CCDC142: variants seen among roughly 807,000 people sequenced by gnomAD.
CCDC142 encodes coiled-coil domain containing 142.
CCDC142 carries 67 observed loss-of-function variants against 83.8 expected under a neutral mutation model. The ratio of observed to expected loss-of-function variants is 0.80; its 90% confidence interval spans 0.66 to 0.98. The LOEUF (loss-of-function observed/expected upper bound fraction) is 0.98. CCDC142 is among the 50% of genes least tolerant of loss of function. CCDC142 has a pLI of 0.00. For missense variants in CCDC142, 905 were observed against 946.8 expected, an observed-to-expected ratio of 0.96 and a Z score of 0.58; for synonymous variants, 421 against 421.2, an observed-to-expected ratio of 1.00 and a Z score of 0.01.
In CCDC142 at chr2:74,480,892, G is replaced by A; in HGVS notation, c.1390-10C>T. On this transcript the variant is annotated splice_polypyrimidine_tract_variant and intron_variant, in intron 4 of 8. Transcript: ENST00000393965. The stretch of plus-strand genomic sequence containing the variant: ...CCTCATGCAACAGAGGCTTTGGGTG[G>A]AAACAGGGAGTGAGGGCTCAGCCTA... 1.2e-6 allele frequency: 2 copies of A among 1,613,450 alleles called. No homozygotes were observed. Among genetic ancestry groups the A allele is most frequent in the Non-Finnish European group, 1.7e-6 (2 of 1,179,398 alleles).
Position 74,481,985 on chromosome 2 carries a change from C to A in CCDC142, c.853G>T (p.Val285Leu), listed in dbSNP as rs1672492346. 2 of 1,613,896 alleles carry A rather than the reference C, an allele frequency of 1.2e-6. No homozygotes were observed. The highest frequency in any genetic ancestry group is 1.7e-6 in the Non-Finnish European group (2 of 1,179,992). The change falls in exon 1 of 9, where the codon GTG (valine) becomes TTG (leucine). Residue 285 changes from valine (V) to leucine (L), a missense_variant. Physicochemically the swap from Val to Leu is conservative, Grantham distance 32 (BLOSUM62 1). Coordinates refer to ENST00000393965, the MANE Select transcript of CCDC142 (RefSeq NM_001365575.2). ...AGTCCACAGCTGGCTGAACCCGCCA[C>A]GCCCCCGACCAGGCCCAGCAGCCCT... The part of the protein sequence containing the change: ...LPGLLGLVGG[V>L]AGSASCGLGL...
intron 6 of CCDC142, 47 bp downstream of exon 6, chr2:74,475,565 A>G: frequency 6.5e-7 from 1 of 1,541,900 alleles, no homozygotes; most frequent in African/African-American, 1.4e-5. Flanking sequence ...CTGAGACACT[A>G]TTACCCCCTT....
intron 5 of CCDC142, 32 bp from the exon 6 acceptor site, chr2:74,475,758 T>C: frequency 7.5e-7 from 1 of 1,327,970 alleles, no homozygotes; most frequent in Non-Finnish European, 1.1e-6. Context: ...AAAAGGGGCT[T>C]GTCAAATTAT....
chr2:74,481,512 C>G lies in CCDC142; in HGVS notation c.1048G>C (p.Glu350Gln), dbSNP rs1672460682. 3 of 1,614,062 alleles carry G rather than the reference C, an allele frequency of 1.9e-6. No homozygotes were observed. Among genetic ancestry groups the G allele is most frequent in the African/African-American group, 1.3e-5 (1 of 74,942 alleles). Reference protein sequence around the residue: ...QASLPQECEKELASLCHRLLH... With the variant: ...QASLPQECEKQLASLCHRLLH... ...AGTCTGTGACACAAAGATGCCAGCT[C>G]CTTCTCACACTCCTGAGGCAGGGAT... Residue 350 changes from glutamate to glutamine, a missense_variant, in exon 2 of 9, where the codon GAG becomes CAG. Around this residue, in one of 3 missense-constraint regions of CCDC142, gnomAD observed 591 missense variants for 571.4 expected, o/e 1.03. Transcript: ENST00000393965.
Position 74,474,210 on chromosome 2 carries a change from A to G in CCDC142, c.*336T>C, listed in dbSNP as rs1672257802. 5.5e-6 allele frequency: 1 copy of G among 180,892 alleles called. No homozygotes were observed. Among genetic ancestry groups the G allele is most frequent in the Non-Finnish European group, 1.2e-5 (1 of 85,942 alleles). The allele number at this position is 180,892 out of a possible 1,614,324, so 11.2% of individuals were successfully genotyped here. Reference sequence around the variant, plus strand: ...ACCATTCTCCTGCCTCAGCCTCCCGAGTAGCTGGGACTACAGGCACCCGCC... The same window carrying G: ...ACCATTCTCCTGCCTCAGCCTCCCGGGTAGCTGGGACTACAGGCACCCGCC... On this transcript the variant is annotated 3_prime_UTR_variant, in exon 9 of 9. Transcript: ENST00000393965.
At chr2:74,481,140 G>A in intron 3 of CCDC142, 54 bp from the exon 4 acceptor site, 2 of 1,610,186 alleles carry the variant, frequency 1.2e-6, no homozygotes, top group Non-Finnish European at 1.7e-6. Flanking sequence ...GTACCTTTGG[G>A]AAGAGGCAGA....
chr2:74,476,044 AAC>A (rs58719599), intron 5 of CCDC142, among the ~76,000 whole-genome samples: 8,008 of 97,330 alleles, frequency 0.082, 484 homozygotes, highest in Middle Eastern at 0.11. Flanking sequence ...CCACCCCCGC[AAC>A]ACACACACAC....
Position 74,482,162 on chromosome 2 carries a change from C to A in CCDC142, c.676G>T (p.Ala226Ser). Residue 226 changes from alanine (A) to serine (S), a missense_variant, in exon 1 of 9, where the codon GCC becomes TCC. Physicochemically the swap from Ala to Ser is moderately conservative, Grantham distance 99. This residue lies in a region of CCDC142 where 591 missense variants were observed against 571.4 expected (regional missense o/e 1.03). Transcript: ENST00000393965. The surrounding 1 kb of genome is among the most constrained non-coding windows in gnomAD (Gnocchi z 5.0). ...CGGGACGTGGGGAAAGGACGTGCGG[C>A]CCCTGGGACGTGGCTCAAGGCTTTT... ...QRKALSHVPG[A>S]ARPFPTSRVL... 1 of 1,613,702 alleles carries A rather than the reference C, an allele frequency of 6.2e-7. No individual in the cohort carries two copies.
intron 5 of CCDC142, among the ~76,000 whole-genome samples, chr2:74,478,440 T>C (rs898512433): frequency 6.6e-6 from 1 of 151,220 alleles, no homozygotes; most frequent in African/African-American, 2.4e-5. Flanking sequence ...GCAATGGCGC[T>C]ATCTCGGCTC....
chr2:74,482,336 C>T lies in CCDC142; in HGVS notation c.502G>A (p.Ala168Thr). The T allele has an allele frequency of 2.5e-6, 4 of 1,604,314 alleles. No individual in the cohort carries two copies. The highest frequency in any genetic ancestry group is 3.4e-6 in the Non-Finnish European group (4 of 1,176,770). The change falls in exon 1 of 9, where the codon GCG (alanine) becomes ACG (threonine). Residue 168 changes from alanine to threonine, a missense_variant. Ala to Thr is a moderately conservative substitution (Grantham distance 58, BLOSUM62 0). Around this residue, in one of 3 missense-constraint regions of CCDC142, gnomAD observed 591 missense variants for 571.4 expected, o/e 1.03. Coordinates refer to ENST00000393965, the MANE Select transcript of CCDC142 (RefSeq NM_001365575.2). The surrounding 1 kb of genome is among the most constrained non-coding windows in gnomAD (Gnocchi z 5.0). ...TGGGCGGCTAGTCCGATGGGGCGCG[C>T]TAGCAGCAGCGGCTCGAGAGTCTCC... ...PGETLEPLLL[A>T]RPIGLAAQCL...
Position 74,475,135 on chromosome 2 carries a change from A to G in CCDC142, c.1797-20T>C. 9.9e-6 allele frequency: 16 copies of G among 1,610,734 alleles called. No individual in the cohort carries two copies. The highest frequency in any genetic ancestry group is 1.4e-5 in the Non-Finnish European group (16 of 1,178,096). ...TGCAGGCTGAAGGCAGAGGTACAGT[A>G]TGGCCACTTGACCCTCCTGCCTCTC... On this transcript the variant is annotated intron_variant, in intron 7 of 8. Transcript: ENST00000393965.
At chr2:74,480,015 G>T (rs1672406936) in intron 5 of CCDC142, among the ~76,000 whole-genome samples, 1 of 152,140 alleles carries the variant, frequency 6.6e-6, no homozygotes, top group South Asian at 2.1e-4. Context: ...ATTAATGAAG[G>T]CAAGTTTTTC....
intron 5 of CCDC142, among the ~76,000 whole-genome samples, chr2:74,478,084 T>C (rs1239386744): frequency 1.3e-5 from 2 of 148,384 alleles, no homozygotes; most frequent in African/African-American, 2.4e-5. Context: ...TTTTTTTTTT[T>C]TGAGTCTCAC....
rs1672593257 is a variant in CCDC142, at chr2:74,482,958, A to T, written c.-121T>A. On this transcript the variant is annotated 5_prime_UTR_variant, in exon 1 of 9. Coordinates refer to ENST00000393965, the MANE Select transcript of CCDC142 (RefSeq NM_001365575.2). This position sits in a 1 kb window ranked among gnomAD's most constrained non-coding sequence, Gnocchi z 5.0. ...TTTCTCCAGTCCGGGAGTCGCGGGG[A>T]CCTTCATGGACTCTCTCGTGCTCCG... 18 of 1,548,050 alleles carry T rather than the reference A, an allele frequency of 1.2e-5. No homozygotes were observed. Among genetic ancestry groups the T allele is most frequent in the Non-Finnish European group, 1.6e-5 (18 of 1,131,290 alleles).
intron 5 of CCDC142, among the ~76,000 whole-genome samples, chr2:74,480,012 A>C (rs1392718737): frequency 6.6e-6 from 1 of 152,264 alleles, no homozygotes; most frequent in African/African-American, 2.4e-5. Flanking sequence ...ATCATTAATG[A>C]AGGCAAGTTT....
At chr2:74,479,662 C>T (rs1672401095) in intron 5 of CCDC142, among the ~76,000 whole-genome samples, 1 of 152,218 alleles carries the variant, frequency 6.6e-6, no homozygotes, top group African/African-American at 2.4e-5. Context: ...GTGGCTATCA[C>T]AGCTTACTGC....
Position 74,478,668 on chromosome 2 carries a change from G to C in CCDC142, c.1503+2101C>G, listed in dbSNP as rs368396544. On this transcript the variant is annotated intron_variant, in intron 5 of 8. Transcript: ENST00000393965. ...GTTTTTTAAAAAGATTTTTAAAAAG[G>C]GTTCAAGACCAGCCTGGGCAACATG... Among the ~76,000 whole-genome samples, 11 of 151,886 alleles carry C rather than the reference G, an allele frequency of 7.2e-5. No homozygotes were observed. The South Asian group carries it at 2.1e-3, about 29-fold the overall frequency.
chr2:74,478,749 G>A (rs1264205415), intron 5 of CCDC142, among the ~76,000 whole-genome samples: 1 of 151,624 alleles, frequency 6.6e-6, no homozygotes, highest in African/African-American at 2.4e-5. Flanking sequence ...GGCATTGGCC[G>A]GGTGTGGTGG....
chr2:74,481,268 C>T lies in CCDC142; in HGVS notation c.1213G>A (p.Ala405Thr), dbSNP rs1337466744. ...CGTCGTAACCTGGGCTCTCGAAGGG[C>T]ATCCAAGAGAGGAGGAAAGAGCTGC... is the stretch of plus-strand genomic sequence containing the variant. ...LQQLFPPLLDALREPRLRRIF... is the reference protein window; with the variant it reads ...LQQLFPPLLDTLREPRLRRIF... Residue 405 changes from alanine to threonine, a missense_variant, in exon 3 of 9, where the codon GCC (alanine) becomes ACC (threonine). Ala to Thr is a moderately conservative substitution (Grantham distance 58, BLOSUM62 0). Coordinates refer to ENST00000393965, the MANE Select transcript of CCDC142 (RefSeq NM_001365575.2). 6.2e-7 allele frequency: 1 copy of T among 1,614,186 alleles called. No homozygotes were observed. Among genetic ancestry groups the T allele is most frequent in the African/African-American group, 1.3e-5 (1 of 75,018 alleles).
Sources: gnomAD v4.1 joint callset for allele counts (sites outside exome capture counted in the v4.1 genomes callset) on GRCh38, gnomAD v4.1.1 for gene constraint, gnomAD v4.1.1 regional missense constraint, Gnocchi (gnomAD v3.1) non-coding constraint, MANE v1.5 for transcripts, NCBI Gene and HGNC (gene_info 2026-07-23, HGNC 2026-07-21) for gene names.